Variants in DYM observed in about 807,000 individuals in gnomAD.
The protein encoded by DYM is dyggve-Melchior-Clausen syndrome protein.
A neutral mutation model predicts 93.1 loss-of-function variants in DYM; 78 were observed. The ratio of observed to expected loss-of-function variants is 0.84; its 90% CI spans 0.70 to 1.01. The LOEUF is 1.01. Ranked by LOEUF, DYM falls within the 50% of genes least tolerant of loss-of-function variation. DYM has a pLI of 0.00. For missense variants in DYM, 789 were observed against 845.0 expected, an observed-to-expected ratio of 0.93 and a Z score of 0.82; for synonymous variants, 321 against 319.7, an observed-to-expected ratio of 1.00 and a Z score of -0.04.
Position 49,440,884 on chromosome 18 carries a change from A to ATTT in DYM, c.-53-10438_-53-10437insAAA, listed in dbSNP as rs1568450780. Among the ~76,000 whole-genome samples, 20 of 10,978 alleles carry ATTT rather than the reference A, an allele frequency of 1.8e-3. 4 individuals are homozygous for ATTT. Among genetic ancestry groups the ATTT allele is most frequent in the African/African-American group, 4.3e-3 (13 of 3,020 alleles). 7.2% of individuals were successfully genotyped at this position (10,978 alleles called of 152,430 possible). On this transcript the variant is annotated intron_variant, in intron 1 of 17. Transcript: ENST00000675505. ...TTATATTATATATAATATATATTAT[A>ATTT]TATATAATATATTTATATAAATATA...
chr18:49,327,881 A>T (rs867548420), intron 8 of DYM, among the ~76,000 whole-genome samples: 8 of 152,172 alleles, frequency 5.3e-5, no homozygotes, highest in African/African-American at 1.9e-4. Flanking sequence ...CAGATGTTGG[A>T]TGGCGCTCTG....
intron 3 of DYM, among the ~76,000 whole-genome samples, chr18:49,386,944 A>C (rs982989522): frequency 2.8e-5 from 4 of 143,634 alleles, no homozygotes; most frequent in Admixed American, 7.0e-5. Flanking sequence ...GTATTTATTT[A>C]CTTTTTTTTT....
intron 2 of DYM, among the ~76,000 whole-genome samples, chr18:49,430,048 C>G (rs1461959955): frequency 6.6e-6 from 1 of 152,132 alleles, no homozygotes; most frequent in African/African-American, 2.4e-5. Context: ...CCAGTGATAA[C>G]CTCTAGAGAA....
At chr18:49,412,735 A>C (rs943505659) in intron 2 of DYM, among the ~76,000 whole-genome samples, 9 of 152,230 alleles carry the variant, frequency 5.9e-5, no homozygotes, top group African/African-American at 2.2e-4. Context: ...CAAAGAGCCT[A>C]AAAATATAGA....
At chr18:49,201,461 A>G (rs1439866379) in intron 14 of DYM, among the ~76,000 whole-genome samples, 1 of 152,214 alleles carries the variant, frequency 6.6e-6, no homozygotes, top group Non-Finnish European at 1.5e-5. Context: ...CATCAGACGC[A>G]GCATGCTTCG....
chr18:49,245,172 C>T (rs13381179), intron 13 of DYM, among the ~76,000 whole-genome samples: 17,287 of 152,156 alleles, frequency 0.11, 1,321 homozygotes, highest in African/African-American at 0.22. Context: ...CTGTCATCTT[C>T]GTAAGCTGAG....
intron 13 of DYM, among the ~76,000 whole-genome samples, chr18:49,227,453 A>G (rs1411254007): frequency 6.6e-6 from 1 of 152,192 alleles, no homozygotes; most frequent in Non-Finnish European, 1.5e-5. Flanking sequence ...TTAAAATAAG[A>G]ACAAGTTTTC....
intron 6 of DYM, among the ~76,000 whole-genome samples, chr18:49,349,925 C>G (rs1032056149): frequency 6.6e-6 from 1 of 152,132 alleles, no homozygotes; most frequent in Non-Finnish European, 1.5e-5. Flanking sequence ...CCACTGTACT[C>G]CAACCTGGGT....
intron 13 of DYM, among the ~76,000 whole-genome samples, chr18:49,230,982 T>C (rs2093677554): frequency 6.6e-6 from 1 of 152,174 alleles, no homozygotes; most frequent in South Asian, 2.1e-4. Flanking sequence ...AATGGGTCCA[T>C]TATTTATTTA....
chr18:49,254,776 G>T (rs1227644927), intron 13 of DYM, among the ~76,000 whole-genome samples: 3 of 152,172 alleles, frequency 2.0e-5, no homozygotes, highest in Non-Finnish European at 2.9e-5. Context: ...AGTTAATTGT[G>T]TAATGAAATC....
At chr18:49,085,699 C>T (rs1212156668) in intron 17 of DYM, among the ~76,000 whole-genome samples, 1 of 148,954 alleles carries the variant, frequency 6.7e-6, no homozygotes, top group Non-Finnish European at 1.5e-5. Flanking sequence ...CCTCTGCTGC[C>T]CGGGTTCAAG....
At position 49,256,876 on chromosome 18, in the gene DYM, CAAG is replaced by C. The variant is rs1037610715; in HGVS notation, c.1460+131_1460+133del. The stretch of plus-strand genomic sequence containing the variant: ...ATGGAACGAGCTATTTTCAACCAAA[CAAG>C]AAGGTGATAAAAATTAAGTAGGAAA... On this transcript the variant is annotated intron_variant, in intron 13 of 17. Coordinates refer to ENST00000675505, the MANE Select transcript of DYM (RefSeq NM_001353214.3). The C allele has an allele frequency of 1.4e-5, 10 of 733,284 alleles. No individual in the cohort carries two copies. In the South Asian group the frequency reaches 1.4e-4, roughly 10 times the overall value. The allele number at this position is 733,284 out of a possible 1,614,324, so 45.4% of individuals were successfully genotyped here.
At chr18:49,424,626 T>C (rs926535860) in intron 2 of DYM, among the ~76,000 whole-genome samples, 9 of 152,158 alleles carry the variant, frequency 5.9e-5, no homozygotes, top group African/African-American at 1.4e-4. Flanking sequence ...GATGATGTGA[T>C]TGTATATTTA....
chr18:49,171,712 T>C (rs563137459), intron 14 of DYM, among the ~76,000 whole-genome samples: 47 of 152,136 alleles, frequency 3.1e-4, no homozygotes, highest in Non-Finnish European at 6.0e-4. Context: ...CTTCCTCCTC[T>C]CCTACAAGTC....
At chr18:49,243,073 C>G (rs150640477) in intron 13 of DYM, among the ~76,000 whole-genome samples, 2 of 152,260 alleles carry the variant, frequency 1.3e-5, no homozygotes, top group East Asian at 1.9e-4. Context: ...GCTGCCTCCT[C>G]GCTACTTTAA....
At chr18:49,349,083 C>T (rs188273926) in intron 6 of DYM, among the ~76,000 whole-genome samples, 26 of 152,144 alleles carry the variant, frequency 1.7e-4, no homozygotes, top group Admixed American at 3.9e-4. Context: ...TGGTGGGCGC[C>T]TGTAATCCCA....
At chr18:49,103,237 T>A (rs1404130049) in intron 16 of DYM, among the ~76,000 whole-genome samples, 1 of 152,258 alleles carries the variant, frequency 6.6e-6, no homozygotes, top group Non-Finnish European at 1.5e-5. Flanking sequence ...TCTGTTCATA[T>A]CCTTCACTCA....
At chr18:49,327,162 T>C (rs1475410904) in intron 8 of DYM, among the ~76,000 whole-genome samples, 1 of 152,074 alleles carries the variant, frequency 6.6e-6, no homozygotes, top group Non-Finnish European at 1.5e-5. Context: ...TAAAGTTACA[T>C]ATAGTTTTTT....
At chr18:49,327,025 GT>G (rs2062933681) in intron 8 of DYM, among the ~76,000 whole-genome samples, 1 of 139,110 alleles carries the variant, frequency 7.2e-6, no homozygotes, top group African/African-American at 2.8e-5. Context: ...GTGTGTGTGT[GT>G]GTGTGTGTGT....
Sources: allele counts gnomAD v4.1 joint callset (sites outside exome capture counted in the v4.1 genomes callset), GRCh38; gene constraint gnomAD v4.1.1; transcripts MANE v1.5; gene names NCBI Gene and HGNC (gene_info 2026-07-23, HGNC 2026-07-21).